ANKRD12: variants seen among roughly 807,000 people sequenced by gnomAD.
ANKRD12 encodes ankyrin repeat domain 12, also known as ankyrin repeat domain-containing protein 12.
In ANKRD12, 85 loss-of-function variants were observed where a neutral mutation model predicts 183.4. That is an observed-to-expected ratio of 0.46 (90% CI 0.39 to 0.56). The LOEUF is 0.56. Among genes scored for constraint, ANKRD12 ranks in the 20% least tolerant of loss-of-function variants. ANKRD12 has a pLI of 0.00. For missense variants in ANKRD12, 2,405 were observed against 2,357.1 expected, an observed-to-expected ratio of 1.02 and a Z score of -0.42; for synonymous variants, 914 against 800.2, an observed-to-expected ratio of 1.14 and a Z score of -2.40.
chr18:9,268,633 G>T (rs1483576538), intron 10 of ANKRD12, among the ~76,000 whole-genome samples: 1 of 152,062 alleles, frequency 6.6e-6, no homozygotes, highest in Non-Finnish European at 1.5e-5. Context: ...AAAATAATAA[G>T]AGCTATGTAT....
At position 9,257,847 on chromosome 18, in the gene ANKRD12, C is replaced by T; in HGVS notation, c.4580C>T (p.Ala1527Val). Residue 1527 changes from alanine (A) to valine (V), a missense_variant, in exon 9 of 13, where the codon GCA becomes GTA. Ala to Val is a moderately conservative substitution (Grantham distance 64). Around this residue, in one of 7 missense-constraint regions of ANKRD12, gnomAD observed 1,983 missense variants for 1,725.9 expected, o/e 1.15. Transcript: ENST00000262126. ...CCAGGTATTTTACAACAAAAAAATG[C>T]AGTTCAGATTATTAGTTCTGCTTTA... ...QEPGILQQKN[A>V]VQIISSALDT... 1 of 1,613,562 alleles carries T rather than the reference C, an allele frequency of 6.2e-7. No homozygotes were observed. Among genetic ancestry groups the T allele is most frequent in the Non-Finnish European group, 8.5e-7 (1 of 1,179,868 alleles).
chr18:9,184,410 A>G (rs1200138649), intron 2 of ANKRD12, among the ~76,000 whole-genome samples: 1 of 150,188 alleles, frequency 6.7e-6, no homozygotes, highest in East Asian at 1.9e-4. Context: ...TTCCTTTTTG[A>G]GACAGAATTT....
chr18:9,170,728 C>T (rs2032622533), intron 1 of ANKRD12, among the ~76,000 whole-genome samples: 1 of 151,938 alleles, frequency 6.6e-6, no homozygotes, highest in African/African-American at 2.4e-5. Context: ...CTCCCTCCAG[C>T]TTTGTTCCAT....
At chr18:9,261,103 C>G (rs1055315804) in intron 9 of ANKRD12, among the ~76,000 whole-genome samples, 1 of 152,190 alleles carries the variant, frequency 6.6e-6, no homozygotes, top group East Asian at 1.9e-4. Context: ...CCTCCTCCAT[C>G]TCACACCAAC....
chr18:9,263,109 G>T (rs1467499612), intron 9 of ANKRD12, among the ~76,000 whole-genome samples: 1 of 151,962 alleles, frequency 6.6e-6, no homozygotes, highest in East Asian at 1.9e-4. Flanking sequence ...GTATCTTATT[G>T]TAACAGTGCA....
In ANKRD12 at chr18:9,254,794, A is replaced by G; in HGVS notation, c.1527A>G (p.Leu509=). The G allele has an allele frequency of 6.7e-7, 1 of 1,488,944 alleles. No individual in the cohort carries two copies. The highest frequency in any genetic ancestry group is 8.9e-7 in the Non-Finnish European group (1 of 1,122,794). 92.2% of individuals were successfully genotyped at this position (1,488,944 alleles called of 1,614,324 possible). A position where few individuals can be genotyped will look rare whatever the true frequency, so the allele number is the denominator to read the frequency against. ...CAAACTTGACAGTAAATACTGGACT[A>G]GATTGTTCAGAAAAGACCAGAGAGG... ...RITNLTVNTG[L]DCSEKTREEG... Residue 509 remains leucine, a synonymous_variant, in exon 9 of 13, where the codon CTA becomes CTG. Coordinates refer to ENST00000262126, the MANE Select transcript of ANKRD12 (RefSeq NM_015208.5).
At chr18:9,140,467 G>A (rs2078277145) in intron 1 of ANKRD12, among the ~76,000 whole-genome samples, 1 of 151,962 alleles carries the variant, frequency 6.6e-6, no homozygotes, top group South Asian at 2.1e-4. Context: ...AGAATATGAA[G>A]TTTCTTTAGC....
intron 3 of ANKRD12, among the ~76,000 whole-genome samples, chr18:9,197,112 A>G (rs1233035981): frequency 1.3e-5 from 2 of 152,236 alleles, no homozygotes; most frequent in Non-Finnish European, 2.9e-5. Flanking sequence ...TAAAGTTTCA[A>G]GATAATCTTT....
intron 10 of ANKRD12, among the ~76,000 whole-genome samples, chr18:9,271,964 C>T (rs1307239370): frequency 1.3e-5 from 2 of 152,144 alleles, no homozygotes; most frequent in African/African-American, 4.8e-5. Flanking sequence ...ATTTTCCCCA[C>T]AGAAAATGGT....
At chr18:9,140,789 T>TA (rs1336122614) in intron 1 of ANKRD12, among the ~76,000 whole-genome samples, 1 of 152,212 alleles carries the variant, frequency 6.6e-6, no homozygotes, top group Non-Finnish European at 1.5e-5. Context: ...ATTGTAGTAT[T>TA]ACATAGATTA....
At chr18:9,250,289 C>T (rs550364046) in intron 8 of ANKRD12, 1 of 152,210 alleles carries the variant, frequency 6.6e-6, no homozygotes, top group East Asian at 1.9e-4. Flanking sequence ...TTTATGTTAT[C>T]CTACAGTGGG....
chr18:9,192,669 A>AC (rs2034526555), intron 2 of ANKRD12, among the ~76,000 whole-genome samples: 2 of 151,632 alleles, frequency 1.3e-5, no homozygotes, highest in Admixed American at 1.3e-4. Context: ...GTGCCTTTTT[A>AC]AACATACATT....
Position 9,211,603 on chromosome 18 carries a change from A to G in ANKRD12, c.471A>G (p.Pro157=), listed in dbSNP as rs777742137. The change falls in exon 6 of 13, where the codon CCA becomes CCG. Residue 157 remains proline, a synonymous_variant. Coordinates refer to ENST00000262126, the MANE Select transcript of ANKRD12 (RefSeq NM_015208.5). ...DNSPDSTPNH[P]SQTTPAQKKT... ...TTACAGATTCCACACCAAATCATCCATCACAAACAACGCCTGCCCAAAAGA... is the reference window on the plus strand; with the variant it reads ...TTACAGATTCCACACCAAATCATCCGTCACAAACAACGCCTGCCCAAAAGA... 1.5e-5 allele frequency: 25 copies of G among 1,613,702 alleles called. No individual in the cohort carries two copies. The highest frequency in any genetic ancestry group is 2.0e-5 in the Non-Finnish European group (24 of 1,179,830).
intron 1 of ANKRD12, among the ~76,000 whole-genome samples, chr18:9,170,503 C>T (rs1022161220): frequency 2.0e-5 from 3 of 152,214 alleles, no homozygotes; most frequent in Non-Finnish European, 2.9e-5. Flanking sequence ...ATCGCATCGG[C>T]TGCTGAGACT....
At chr18:9,211,466 T>C in intron 5 of ANKRD12, 118 bp from the exon 6 acceptor site, 2 of 868,552 alleles carry the variant, frequency 2.3e-6, no homozygotes, top group Admixed American at 2.7e-5. Context: ...TTTAGGTTGT[T>C]AGGGTGAGAA....
chr18:9,162,886 G>A (rs1255612449), intron 1 of ANKRD12, among the ~76,000 whole-genome samples: 1 of 151,946 alleles, frequency 6.6e-6, no homozygotes, highest in Non-Finnish European at 1.5e-5. Flanking sequence ...ACTTTTTAAT[G>A]GGGTTGGTTG....
At chr18:9,238,860 G>A (rs1209695681) in intron 8 of ANKRD12, among the ~76,000 whole-genome samples, 2 of 152,160 alleles carry the variant, frequency 1.3e-5, no homozygotes, top group East Asian at 1.9e-4. Context: ...AGTGGCTCAC[G>A]CCTGTAATCC....
intron 10 of ANKRD12, among the ~76,000 whole-genome samples, chr18:9,274,345 A>G (rs1226083684): frequency 6.6e-6 from 1 of 152,248 alleles, no homozygotes; most frequent in Non-Finnish European, 1.5e-5. Context: ...GCAGTAGAAC[A>G]TACTTTTCAG....
At chr18:9,146,732 T>G (rs2078505777) in intron 1 of ANKRD12, among the ~76,000 whole-genome samples, 1 of 152,176 alleles carries the variant, frequency 6.6e-6, no homozygotes, top group Non-Finnish European at 1.5e-5. Flanking sequence ...GTGACTTTGG[T>G]CAGAAGAGCT....
Sources: gnomAD v4.1 joint callset for allele counts (sites outside exome capture counted in the v4.1 genomes callset) on GRCh38, gnomAD v4.1.1 for gene constraint, gnomAD v4.1.1 regional missense constraint, MANE v1.5 for transcripts, NCBI Gene and HGNC (gene_info 2026-07-23, HGNC 2026-07-21) for gene names.